Variants in CEP170 observed in about 807,000 individuals in gnomAD.
The protein encoded by CEP170 is centrosomal protein of 170 kDa.
Under a neutral mutation model 151.9 loss-of-function variants are expected in CEP170, and 21 were observed. The ratio of observed to expected loss-of-function variants is 0.14; its 90% confidence interval spans 0.10 to 0.20. The LOEUF is 0.20. Ranked by LOEUF, CEP170 falls within the 10% of genes least tolerant of loss-of-function variation. CEP170 has a pLI of 1.00. For synonymous variants in CEP170, 356 were observed against 648.8 expected (o/e 0.55, Z 6.86); for missense variants, 964 against 1,892.9 (o/e 0.51, Z 9.11).
At chr1:243,148,336 C>T (rs570222116) in intron 14 of CEP170, among the ~76,000 whole-genome samples, 8 of 151,854 alleles carry the variant, frequency 5.3e-5, no homozygotes, top group African/African-American at 1.7e-4. Flanking sequence ...TTTGGGAGGC[C>T]GAGGTGGGCG....
At chr1:243,192,728 A>G (rs1203286031) in intron 7 of CEP170, among the ~76,000 whole-genome samples, 1 of 152,238 alleles carries the variant, frequency 6.6e-6, no homozygotes, top group Admixed American at 6.5e-5. Context: ...TCTGTCAGGT[A>G]CTATAATTGG....
At position 243,234,319 on chromosome 1, in the gene CEP170, C is replaced by T. The variant is rs572674103; in HGVS notation, c.-41-8998G>A. Among the ~76,000 whole-genome samples, 3 of 152,324 alleles carry T rather than the reference C, an allele frequency of 2.0e-5. No homozygotes were observed. The East Asian group carries it at 5.8e-4, about 29-fold the overall frequency. ...CTTAGGCATCCATGTGACAACTTTT[C>T]TTTTGGTACCAACAGGCATGAAAGG... is the stretch of plus-strand genomic sequence containing the variant. On this transcript the variant is annotated intron_variant, in intron 1 of 19. Transcript: ENST00000366542.
chr1:243,223,576 C>T (rs1231932203), intron 2 of CEP170, among the ~76,000 whole-genome samples: 1 of 152,184 alleles, frequency 6.6e-6, no homozygotes, highest in African/African-American at 2.4e-5. Context: ...ATGGTGAACA[C>T]TGACGGTACA....
chr1:243,156,524 T>C (rs545724599), intron 13 of CEP170, 69 bp from the exon 14 acceptor site: 5 of 1,432,312 alleles, frequency 3.5e-6, no homozygotes, highest in Non-Finnish European at 4.7e-6. Flanking sequence ...ATAAAAGTCA[T>C]GACTTCAAAA....
At chr1:243,234,466 T>C (rs1378971247) in intron 1 of CEP170, among the ~76,000 whole-genome samples, 1 of 151,992 alleles carries the variant, frequency 6.6e-6, no homozygotes, top group East Asian at 1.9e-4. Context: ...CAAAGGGGGG[T>C]TAAAAGTGAT....
chr1:243,145,695 CA>C (rs2056399794), intron 14 of CEP170, among the ~76,000 whole-genome samples: 1 of 152,100 alleles, frequency 6.6e-6, no homozygotes, highest in Non-Finnish European at 1.5e-5. Flanking sequence ...TGGAAAAAAG[CA>C]ACTGGTGGGC....
rs371269335 is a variant in CEP170 at position 243,225,316 on chromosome 1, G to A, written c.-36C>T. The A allele has an allele frequency of 8.3e-6, 11 of 1,326,848 alleles. No homozygotes were observed. In the East Asian group the frequency reaches 1.3e-4, roughly 15 times the overall value. The allele number at this position is 1,326,848 out of a possible 1,614,324, so 82.2% of individuals were successfully genotyped here. On this transcript the variant is annotated 5_prime_UTR_variant, in exon 2 of 20. The change creates a new upstream start codon in the 5' untranslated region. Transcript: ENST00000366542. ...GCTTCTAAGTCTTTGGCAAAGCTAC[G>A]TCATCCTGAAGAGAAACATGAAGAA...
intron 13 of CEP170, among the ~76,000 whole-genome samples, chr1:243,157,553 C>T (rs1338422692): frequency 3.9e-5 from 6 of 152,082 alleles, no homozygotes; most frequent in African/African-American, 1.2e-4. Flanking sequence ...TTTACTTTTC[C>T]GAAACCTAGT....
chr1:243,152,510 C>A (rs376723304), intron 14 of CEP170, among the ~76,000 whole-genome samples: 1 of 145,526 alleles, frequency 6.9e-6, no homozygotes, highest in Non-Finnish European at 1.5e-5. Context: ...CGTGAGCCAC[C>A]GCGCCCAGCC....
chr1:243,250,923 G>A (rs1484341181), intron 1 of CEP170, among the ~76,000 whole-genome samples: 1 of 152,142 alleles, frequency 6.6e-6, no homozygotes, highest in African/African-American at 2.4e-5. Context: ...AATTAAATAT[G>A]GAAACAAGAT....
At chr1:243,226,058 G>GAT (rs10632118) in intron 1 of CEP170, among the ~76,000 whole-genome samples, 68,143 of 109,508 alleles carry the variant, frequency 0.62, 17,531 homozygotes, top group South Asian at 0.75. Flanking sequence ...TATATATCTA[G>GAT]ATATATATAT....
intron 8 of CEP170, 158 bp from the exon 9 acceptor site, chr1:243,186,580 G>C: frequency 1.6e-6 from 1 of 642,964 alleles, no homozygotes; most frequent in South Asian, 2.3e-5. Flanking sequence ...TTGCTCAATT[G>C]CAATGGTTAC....
Position 243,126,601 on chromosome 1 carries a change from T to C in CEP170, c.4603A>G (p.Thr1535Ala), listed in dbSNP as rs1377265507. The C allele has an allele frequency of 3.8e-6, 6 of 1,575,180 alleles. No homozygotes were observed. In the Admixed American group the frequency reaches 1.1e-4, roughly 30 times the overall value. ...NNHHSPGQTP[T>A]LGQPEARALH... ...GCCCTAGCTTCTGGTTGGCCAAGTG[T>C]TGGTGTCTGACCCGGGCTGTGGTGG... The change falls in exon 20 of 20, where the codon ACA becomes GCA. Residue 1535 changes from threonine (T) to alanine (A), a missense_variant. Thr to Ala is a moderately conservative substitution (Grantham distance 58). Coordinates refer to ENST00000366542, the MANE Select transcript of CEP170 (RefSeq NM_014812.3).
intron 4 of CEP170, among the ~76,000 whole-genome samples, chr1:243,207,014 A>C (rs1048457099): frequency 3.9e-5 from 6 of 152,232 alleles, no homozygotes; most frequent in African/African-American, 1.4e-4. Context: ...GGGAAAGAGA[A>C]AACATAAAAC....
intron 1 of CEP170, among the ~76,000 whole-genome samples, chr1:243,231,186 TCATC>T (rs1558660332): frequency 8.4e-4 from 109 of 130,104 alleles, no homozygotes; most frequent in African/African-American, 2.3e-3. Context: ...ATCATCATCA[TCATC>T]ATTATTATTA....
intron 1 of CEP170, chr1:243,253,339 T>C (rs559084225): frequency 3.7e-4 from 57 of 152,314 alleles, no homozygotes; most frequent in African/African-American, 1.3e-3. Context: ...TTTCCATACA[T>C]TTTCACAAGG....
intron 4 of CEP170, among the ~76,000 whole-genome samples, chr1:243,208,337 T>C (rs2061554471): frequency 6.6e-6 from 1 of 152,112 alleles, no homozygotes; most frequent in Admixed American, 6.5e-5. Flanking sequence ...AGGATCTTTT[T>C]AGATGTATGT....
intron 1 of CEP170, among the ~76,000 whole-genome samples, chr1:243,232,632 A>G (rs1302955207): frequency 1.3e-5 from 2 of 152,198 alleles, no homozygotes; most frequent in Non-Finnish European, 2.9e-5. Context: ...TTCAACAGCT[A>G]TTGAGAAGCC....
At chr1:243,199,656 T>A (rs760379886) in intron 6 of CEP170, among the ~76,000 whole-genome samples, 6 of 152,050 alleles carry the variant, frequency 3.9e-5, no homozygotes, top group South Asian at 2.1e-4. Flanking sequence ...AATTTTCACA[T>A]GAGTAGCTAT....
Sources: gnomAD v4.1 joint callset for allele counts (sites outside exome capture counted in the v4.1 genomes callset) on GRCh38, gnomAD v4.1.1 for gene constraint, MANE v1.5 for transcripts, NCBI Gene and HGNC (gene_info 2026-07-23, HGNC 2026-07-21) for gene names.